ELMOD2: variants seen among roughly 807,000 people sequenced by gnomAD.
ELMOD2 encodes the protein ELMO domain-containing protein 2.
ELMOD2 carries 28 observed loss-of-function variants against 41.0 expected under a neutral mutation model. The ratio of observed to expected loss-of-function variants is 0.68; its 90% confidence interval spans 0.51 to 0.94. The LOEUF is 0.94. ELMOD2 is among the 40% of genes least tolerant of loss of function. The pLI, the probability that ELMOD2 is intolerant of heterozygous loss-of-function variation, is 0.00. For synonymous variants in ELMOD2, 106 were observed against 107.2 expected (o/e 0.99, Z 0.07); for missense variants, 333 against 343.1 (o/e 0.97, Z 0.23).
intron 8 of ELMOD2, among the ~76,000 whole-genome samples, chr4:140,545,718 AT>A (rs113738954): frequency 0.018 from 2,761 of 150,298 alleles, 80 homozygotes; most frequent in African/African-American, 0.061. Context: ...CTTGCCTCTA[AT>A]TTTTTTTTTA....
chr4:140,537,520 G>A lies in ELMOD2; in HGVS notation c.378G>A (p.Gln126=), dbSNP rs764726417. 1.9e-6 allele frequency: 3 copies of A among 1,598,100 alleles called. No homozygotes were observed. Among genetic ancestry groups the A allele is most frequent in the Admixed American group, 3.5e-5 (2 of 57,400 alleles). The change falls in exon 5 of 9, where the codon CAG becomes CAA. Residue 126 remains glutamine (Q), a synonymous_variant. Coordinates refer to ENST00000323570, the MANE Select transcript of ELMOD2 (RefSeq NM_153702.4). ...GGCCATATGATTCTGATAACCTACA[G>A]CATGAAGAGCTACTCATGAAGGTAA... ...RKRPYDSDNL[Q]HEELLMKLWN... is the part of the protein sequence containing the mutation.
At chr4:140,530,220 T>C (rs930677390) in intron 3 of ELMOD2, among the ~76,000 whole-genome samples, 7 of 152,174 alleles carry the variant, frequency 4.6e-5, no homozygotes, top group African/African-American at 1.7e-4. Flanking sequence ...GTCACAGAAT[T>C]TATTAATGGG....
chr4:140,528,379 C>T (rs113989908), intron 3 of ELMOD2, among the ~76,000 whole-genome samples: 334 of 152,166 alleles, frequency 2.2e-3, no homozygotes, highest in African/African-American at 7.6e-3. Context: ...GGATAGAATA[C>T]GGGTCATCTA....
chr4:140,540,294 A>G lies in ELMOD2; in HGVS notation c.526A>G (p.Asn176Asp). 6.2e-7 allele frequency: 1 copy of G among 1,613,014 alleles called. No homozygotes were observed. The highest frequency in any genetic ancestry group is 2.2e-5 in the East Asian group (1 of 44,860). ...FRGMGILGLI[N>D]LVYFSENYTS... ...AGGCATGGGCATACTTGGGTTAATC[A>G]ATCTTGTGTAAGTGAAAGTAAACTT... Residue 176 changes from asparagine (N) to aspartate (D), a missense_variant, in exon 6 of 9, where the codon AAT (asparagine) becomes GAT (aspartate). Physicochemically the swap from Asn to Asp is conservative, Grantham distance 23. Coordinates refer to ENST00000323570, the MANE Select transcript of ELMOD2 (RefSeq NM_153702.4).
intron 4 of ELMOD2, 114 bp from the exon 5 acceptor site, chr4:140,537,298 T>C (rs865774852): frequency 1.4e-5 from 13 of 940,802 alleles, no homozygotes; most frequent in Middle Eastern, 3.3e-4. Flanking sequence ...GTGGGTCTTA[T>C]ATTAAACTGA....
In ELMOD2 at chr4:140,550,467, T is replaced by G. The variant is rs115995094; in HGVS notation, c.*92T>G. 3.1e-3 allele frequency: 3,779 copies of G among 1,232,684 alleles called. 96 individuals carry two copies. The African/African-American group carries it at 0.05, about 16-fold the overall frequency. The allele number at this position is 1,232,684 out of a possible 1,614,324, so 76.4% of individuals were successfully genotyped here. ...GGAATTATCTGATCAATTACACTCT[T>G]ATATATAATTTCCTACAAAAATATT... On this transcript the variant is annotated 3_prime_UTR_variant, in exon 9 of 9. Transcript: ENST00000323570.
chr4:140,545,349 C>G (rs1297381622), intron 8 of ELMOD2, among the ~76,000 whole-genome samples: 1 of 152,156 alleles, frequency 6.6e-6, no homozygotes, highest in Non-Finnish European at 1.5e-5. Flanking sequence ...GGGCCCAGCC[C>G]TGTGCCCACT....
At chr4:140,544,165 C>T (rs1735194137) in intron 8 of ELMOD2, among the ~76,000 whole-genome samples, 1 of 152,104 alleles carries the variant, frequency 6.6e-6, no homozygotes, top group African/African-American at 2.4e-5. Context: ...AAGCAAAGAA[C>T]TCAAATCTAG....
At chr4:140,531,323 CTA>C (rs1380993294) in intron 3 of ELMOD2, among the ~76,000 whole-genome samples, 4 of 152,082 alleles carry the variant, frequency 2.6e-5, no homozygotes, top group African/African-American at 9.7e-5. Flanking sequence ...AGATTAAGGA[CTA>C]TTTATCAATT....
chr4:140,537,507 C>T lies in ELMOD2; in HGVS notation c.365C>T (p.Ser122Phe). 1 of 1,600,276 alleles carries T rather than the reference C, an allele frequency of 6.2e-7. No individual in the cohort carries two copies. Among genetic ancestry groups the T allele is most frequent in the Non-Finnish European group, 8.5e-7 (1 of 1,174,632 alleles). Reference protein sequence around the residue: ...VESVRKRPYDSDNLQHEELLM... With the variant: ...VESVRKRPYDFDNLQHEELLM... ...AGTGTGAGGAAAAGGCCATATGATTCTGATAACCTACAGCATGAAGAGCTA... is the reference window on the plus strand; with the variant it reads ...AGTGTGAGGAAAAGGCCATATGATTTTGATAACCTACAGCATGAAGAGCTA... The change falls in exon 5 of 9, where the codon TCT (serine) becomes TTT (phenylalanine). Residue 122 changes from serine to phenylalanine, a missense_variant. Transcript: ENST00000323570.
Position 140,537,499 on chromosome 4 carries a change from A to G in ELMOD2, c.357A>G (p.Pro119=), listed in dbSNP as rs138133721. ...YLDVESVRKR[P]YDSDNLQHEE... is the part of the protein sequence containing the mutation. ...ATGTAGAAAGTGTGAGGAAAAGGCC[A>G]TATGATTCTGATAACCTACAGCATG... Residue 119 remains proline (P), a synonymous_variant, in exon 5 of 9, where the codon CCA becomes CCG. Transcript: ENST00000323570. The G allele has an allele frequency of 1.1e-4, 169 of 1,597,998 alleles. No homozygotes were observed. The highest frequency in any genetic ancestry group is 5.0e-4 in the Middle Eastern group (3 of 6,032).
intron 3 of ELMOD2, among the ~76,000 whole-genome samples, chr4:140,530,236 A>ATG (rs1734706973): frequency 1.3e-5 from 2 of 152,178 alleles, no homozygotes; most frequent in African/African-American, 4.8e-5. Flanking sequence ...ATGGGATTGT[A>ATG]TGTGTGGTAA....
At chr4:140,530,686 A>G (rs1363157534) in intron 3 of ELMOD2, among the ~76,000 whole-genome samples, 1 of 152,168 alleles carries the variant, frequency 6.6e-6, no homozygotes, top group African/African-American at 2.4e-5. Context: ...AAATCACTTA[A>G]CGATTTATTC....
intron 6 of ELMOD2, 64 bp downstream of exon 6, chr4:140,540,365 A>G (rs1735067757): frequency 5.1e-6 from 8 of 1,579,516 alleles, no homozygotes; most frequent in Non-Finnish European, 6.9e-6. Flanking sequence ...TGATCTAGTT[A>G]CTTCTAATAA....
Position 140,550,276 on chromosome 4 carries a change from A to G in ELMOD2, c.783A>G (p.Pro261=). Residue 261 remains proline, a synonymous_variant, in exon 9 of 9, where the codon CCA becomes CCG. Coordinates refer to ENST00000323570, the MANE Select transcript of ELMOD2 (RefSeq NM_153702.4). ...EFDKFWFEEE[P]ESIMYFNLYR... ...ACAAGTTTTGGTTTGAAGAAGAACC[A>G]GAAAGCATTATGTATTTCAATTTGT... The G allele has an allele frequency of 6.2e-7, 1 of 1,611,554 alleles. No individual in the cohort carries two copies. The highest frequency in any genetic ancestry group is 8.5e-7 in the Non-Finnish European group (1 of 1,178,730).
At chr4:140,547,825 A>G (rs954305583) in intron 8 of ELMOD2, among the ~76,000 whole-genome samples, 1 of 152,156 alleles carries the variant, frequency 6.6e-6, no homozygotes, top group Admixed American at 6.6e-5. Flanking sequence ...GGTAATTTCT[A>G]CAGAGTCTTA....
At chr4:140,545,474 C>T (rs1202932475) in intron 8 of ELMOD2, among the ~76,000 whole-genome samples, 6 of 152,134 alleles carry the variant, frequency 3.9e-5, no homozygotes, top group Non-Finnish European at 8.8e-5. Context: ...CTGCTTTAAT[C>T]CCAGCAACTG....
In ELMOD2 at chr4:140,550,212, G is replaced by A; in HGVS notation, c.737-18G>A. 5.0e-6 allele frequency: 8 copies of A among 1,597,524 alleles called. No homozygotes were observed. The highest frequency in any genetic ancestry group is 6.8e-6 in the Non-Finnish European group (8 of 1,169,570). Reference sequence around the variant, plus strand: ...TTCAACATTGAGGATTAAATGTTTTGTTTTTCTTTAACTGCAGGTTATCTT... The same window carrying A: ...TTCAACATTGAGGATTAAATGTTTTATTTTTCTTTAACTGCAGGTTATCTT... On this transcript the variant is annotated intron_variant, in intron 8 of 8. Coordinates refer to ENST00000323570, the MANE Select transcript of ELMOD2 (RefSeq NM_153702.4).
Position 140,525,577 on chromosome 4 carries a change from T to C in ELMOD2, c.142+7T>C. 1 of 1,590,546 alleles carries C rather than the reference T, an allele frequency of 6.3e-7. No individual in the cohort carries two copies. Among genetic ancestry groups the C allele is most frequent in the Non-Finnish European group, 8.5e-7 (1 of 1,173,538 alleles). ...CAAAGGACACACAGGATAGGTAATG[T>C]TATTCAAAAAGAAAAAGTACTAATA... On this transcript the variant is annotated splice_region_variant and intron_variant, in intron 2 of 8. Coordinates refer to ENST00000323570, the MANE Select transcript of ELMOD2 (RefSeq NM_153702.4).
Sources: gnomAD v4.1 joint callset for allele counts (sites outside exome capture counted in the v4.1 genomes callset) on GRCh38, gnomAD v4.1.1 for gene constraint, MANE v1.5 for transcripts, NCBI Gene and HGNC (gene_info 2026-07-23, HGNC 2026-07-21) for gene names.